Variants in TMPRSS13 observed in about 807,000 individuals in gnomAD.
The protein encoded by TMPRSS13 is transmembrane protease serine 13.
Under a neutral mutation model 68.4 loss-of-function variants are expected in TMPRSS13, and 50 were observed. That is an observed-to-expected ratio of 0.73 (90% CI 0.58 to 0.93). TMPRSS13 has a LOEUF of 0.93. Ranked by LOEUF, TMPRSS13 falls within the 40% of genes least tolerant of loss-of-function variation. The probability of loss-of-function intolerance (pLI) is 0.00; values close to 1 mark genes in which losing one functional copy is unlikely to be tolerated. For synonymous variants in TMPRSS13, 267 were observed against 285.8 expected (o/e 0.93, Z 0.66); for missense variants, 615 against 729.2 (o/e 0.84, Z 1.80).
At position 117,922,930 on chromosome 11, in the gene TMPRSS13, C is replaced by T. The variant is rs1254949513; in HGVS notation, c.22-4092G>A. Among the ~76,000 whole-genome samples, 2 of 152,216 alleles carry T rather than the reference C, an allele frequency of 1.3e-5. No individual in the cohort carries two copies. The highest frequency in any genetic ancestry group is 1.3e-4 in the Admixed American group (2 of 15,286). Reference sequence around the variant, plus strand: ...CTGTCACTGCTACCACCTGGCTATGCCTCTGCAGCTCCCAAGGGTCCTCAC... The same window carrying T: ...CTGTCACTGCTACCACCTGGCTATGTCTCTGCAGCTCCCAAGGGTCCTCAC... On this transcript the variant is annotated intron_variant, in intron 1 of 12. Transcript: ENST00000524993. The surrounding 1 kb of genome is among the most constrained non-coding windows in gnomAD (Gnocchi z 4.2).
intron 8 of TMPRSS13, among the ~76,000 whole-genome samples, 163 bp downstream of exon 8, chr11:117,909,643 T>C (rs1300536617): frequency 2.0e-5 from 3 of 152,100 alleles, no homozygotes; most frequent in Admixed American, 6.5e-5. Context: ...ACCCACACTC[T>C]CAGGACCAGG....
chr11:117,926,510 TGAA>T (rs1257324956), intron 1 of TMPRSS13, among the ~76,000 whole-genome samples: 1 of 152,250 alleles, frequency 6.6e-6, no homozygotes, highest in Non-Finnish European at 1.5e-5. Flanking sequence ...CTGTTCCACT[TGAA>T]GAAGGCCCAG....
chr11:117,905,631 C>A lies in TMPRSS13; in HGVS notation c.1381+7G>T. 1 of 1,590,826 alleles carries A rather than the reference C, an allele frequency of 6.3e-7. No homozygotes were observed. Among genetic ancestry groups the A allele is most frequent in the South Asian group, 1.1e-5 (1 of 87,856 alleles). ...CATACACACAACCAAGCATCTTTGCCTCTTACCATCTGTCTCCCTGGTCTT... is the reference window on the plus strand; with the variant it reads ...CATACACACAACCAAGCATCTTTGCATCTTACCATCTGTCTCCCTGGTCTT... On this transcript the variant is annotated splice_region_variant and intron_variant, in intron 10 of 12. Transcript: ENST00000524993.
intron 1 of TMPRSS13, among the ~76,000 whole-genome samples, chr11:117,919,049 T>C (rs1029562046): frequency 2.0e-5 from 3 of 152,038 alleles, no homozygotes; most frequent in Non-Finnish European, 2.9e-5. Context: ...CCCTAGGGGC[T>C]CCCCTGCCAC....
At chr11:117,904,231 G>A (rs546312200) in intron 10 of TMPRSS13, 130 bp from the exon 11 acceptor site, 91 of 1,289,404 alleles carry the variant, frequency 7.1e-5, no homozygotes, top group African/African-American at 3.9e-4. Flanking sequence ...TGCCATGCCC[G>A]TGCCTGGCTC....
chr11:117,917,335 G>T, intron 2 of TMPRSS13, 61 bp from the exon 3 acceptor site: 2 of 1,355,974 alleles, frequency 1.5e-6, no homozygotes, highest in Non-Finnish European at 2.1e-6. Context: ...GAGATGGAGA[G>T]GGTGGGGGAA....
chr11:117,909,272 C>G (rs1033487799), intron 8 of TMPRSS13, among the ~76,000 whole-genome samples: 4 of 152,168 alleles, frequency 2.6e-5, no homozygotes, highest in African/African-American at 9.7e-5. Context: ...TCAGACAGGA[C>G]AAAGTAACAC....
chr11:117,912,875 A>C (rs761625448), intron 5 of TMPRSS13, among the ~76,000 whole-genome samples: 9 of 152,200 alleles, frequency 5.9e-5, no homozygotes, highest in Non-Finnish European at 8.8e-5. Context: ...TTCTTTGAAT[A>C]AGTGACATTC....
intron 1 of TMPRSS13, among the ~76,000 whole-genome samples, chr11:117,923,001 A>G (rs1192340434): frequency 2.0e-5 from 3 of 151,518 alleles, no homozygotes; most frequent in African/African-American, 7.3e-5. Context: ...GCAGGAAGGC[A>G]GGGCAGGGGT....
intron 10 of TMPRSS13, among the ~76,000 whole-genome samples, chr11:117,904,618 C>T (rs528308288): frequency 2.0e-5 from 3 of 151,932 alleles, no homozygotes; most frequent in African/African-American, 4.8e-5. Flanking sequence ...GAGGGAAAAG[C>T]GGTCCTGATG....
intron 10 of TMPRSS13, among the ~76,000 whole-genome samples, chr11:117,905,296 A>G (rs1301990159): frequency 6.6e-6 from 1 of 151,718 alleles, no homozygotes; most frequent in Admixed American, 6.6e-5. Context: ...AGCCACCTAA[A>G]TCCTACGAGC....
rs1202257701 is a variant in TMPRSS13 at position 117,911,994 on chromosome 11, CCAAGCAGCAG to C, written c.810-144_810-135del. The stretch of plus-strand genomic sequence containing the variant: ...ATGGTCTGAATGGTGGCCAACTCCT[CCAAGCAGCAG>C]CTAAGCCCCAATAAAGTGCAGCCCC... On this transcript the variant is annotated intron_variant, in intron 5 of 12. Transcript: ENST00000524993. 9 of 668,182 alleles carry C rather than the reference CCAAGCAGCAG, an allele frequency of 1.3e-5. No homozygotes were observed. In the African/African-American group the frequency reaches 1.6e-4, roughly 12 times the overall value. The allele number at this position is 668,182 out of a possible 1,614,324, so 41.4% of individuals were successfully genotyped here.
chr11:117,914,264 T>TGC lies in TMPRSS13; in HGVS notation c.679+126_679+127dup. The TGC allele has an allele frequency of 7.8e-7, 1 of 1,286,904 alleles. No homozygotes were observed. The allele number at this position is 1,286,904 out of a possible 1,614,324, so 79.7% of individuals were successfully genotyped here. On this transcript the variant is annotated intron_variant, in intron 4 of 12. Transcript: ENST00000524993. This position sits in a 1 kb window ranked among gnomAD's most constrained non-coding sequence, Gnocchi z 4.2. ...ACACATACATGCATACACACAAACA[T>TGC]GCACATACACACACATGCACGCACA...
At position 117,901,380 on chromosome 11, in the gene TMPRSS13, TG is replaced by T. The variant is rs1393688977; in HGVS notation, c.*858del. ...AGGGGCTCCAGATGCTGTAGTGACTTGGGGGATGCCCATCCTGGGGACTTTG... is the reference window on the plus strand; with the variant it reads ...AGGGGCTCCAGATGCTGTAGTGACTTGGGGATGCCCATCCTGGGGACTTTG... On this transcript the variant is annotated 3_prime_UTR_variant, in exon 13 of 13. Coordinates refer to ENST00000524993, the MANE Select transcript of TMPRSS13 (RefSeq NM_001077263.3). The T allele has an allele frequency of 2.0e-5, 3 of 152,586 alleles. No homozygotes were observed. The highest frequency in any genetic ancestry group is 7.2e-5 in the African/African-American group (3 of 41,434). The allele number at this position is 152,586 out of a possible 1,614,324, so 9.5% of individuals were successfully genotyped here.
chr11:117,901,859 G>A lies in TMPRSS13; in HGVS notation c.*380C>T, dbSNP rs931562647. ...GGCCGCTGGCATCTGCCCACACTGG[G>A]CTAGTCTGTAAGTGAGGGTCAGAGA... On this transcript the variant is annotated 3_prime_UTR_variant, in exon 13 of 13. Transcript: ENST00000524993. 12 of 277,142 alleles carry A rather than the reference G, an allele frequency of 4.3e-5. No homozygotes were observed. The highest frequency in any genetic ancestry group is 4.2e-5 in the Admixed American group (1 of 23,994). 17.2% of individuals were successfully genotyped at this position (277,142 alleles called of 1,614,324 possible).
chr11:117,904,321 CACGTGAGACAGAGACATCCAT>C (rs1352595992), intron 10 of TMPRSS13, among the ~76,000 whole-genome samples: 77 of 152,298 alleles, frequency 5.1e-4, no homozygotes, highest in Middle Eastern at 3.4e-3. Context: ...CAGCTCACTG[CACGTGAGACAGAGACATCCAT>C]GCACACAGAC....
At chr11:117,904,861 T>TTATATATATATATATATATATA (rs58001868) in intron 10 of TMPRSS13, among the ~76,000 whole-genome samples, 28 of 100,710 alleles carry the variant, frequency 2.8e-4, no homozygotes, top group Non-Finnish European at 4.4e-4. Context: ...CTAGATAAGA[T>TTATATATATATATATATATATA]TATATATATA....
intron 1 of TMPRSS13, among the ~76,000 whole-genome samples, chr11:117,925,077 C>T (rs2057691771): frequency 6.6e-6 from 1 of 152,208 alleles, no homozygotes. Flanking sequence ...GGGTGTTGGA[C>T]AATCAGCAGT....
chr11:117,915,661 C>A lies in TMPRSS13; in HGVS notation c.557-1147G>T, dbSNP rs1175205344. 6.6e-6 allele frequency among the ~76,000 whole-genome samples: 1 copy of A among 152,236 alleles called. No individual in the cohort carries two copies. Among genetic ancestry groups the A allele is most frequent in the African/African-American group, 2.4e-5 (1 of 41,458 alleles). ...CACCAGGTAGCTGCTTGGTGACCTG[C>A]ACAAGTCAAGCCACCTCCTTAGCCC... On this transcript the variant is annotated intron_variant, in intron 3 of 12. Transcript: ENST00000524993. This position sits in a 1 kb window ranked among gnomAD's most constrained non-coding sequence, Gnocchi z 4.9.
Sources: allele counts gnomAD v4.1 joint callset (sites outside exome capture counted in the v4.1 genomes callset), GRCh38; gene constraint gnomAD v4.1.1; non-coding constraint Gnocchi (gnomAD v3.1); transcripts MANE v1.5; gene names NCBI Gene and HGNC (gene_info 2026-07-23, HGNC 2026-07-21).